Variants in TMED7 observed in about 807,000 individuals in gnomAD.
TMED7 encodes the protein transmembrane p24 trafficking protein 7.
In TMED7, 8 loss-of-function variants were observed where a neutral mutation model predicts 23.4. The observed-to-expected ratio is 0.34, with a 90% CI of 0.20 to 0.62. TMED7 has a LOEUF of 0.62. Ranked by LOEUF, TMED7 falls within the 20% of genes least tolerant of loss-of-function variation. TMED7 has a pLI of 0.77. For missense variants in TMED7, 232 were observed against 279.1 expected (o/e 0.83, Z 1.20); for synonymous variants, 121 against 108.5 (o/e 1.12, Z -0.72).
intron 2 of TMED7, among the ~76,000 whole-genome samples, chr5:115,619,826 C>T (rs1756957588): frequency 6.6e-6 from 1 of 152,132 alleles, no homozygotes; most frequent in South Asian, 2.1e-4. Context: ...CAGTCCTCAT[C>T]ACCTAAGCAA....
chr5:115,620,923 GATCT>G (rs779204590), intron 1 of TMED7, among the ~76,000 whole-genome samples: 7 of 152,204 alleles, frequency 4.6e-5, no homozygotes, highest in Non-Finnish European at 7.4e-5. Context: ...AATTAATGGA[GATCT>G]ATTAGATCAC....
chr5:115,625,758 G>C lies in TMED7; in HGVS notation c.35C>G (p.Ala12Gly). Reference protein sequence around the residue: ...PRPGSAQRWAAVAGRWGCRLL... With the variant: ...PRPGSAQRWAGVAGRWGCRLL... The stretch of plus-strand genomic sequence containing the variant: ...CCTGCACCCCCAACGGCCCGCGACG[G>C]CCGCCCAGCGCTGCGCGGACCCCGG... The change falls in exon 1 of 3, where the codon GCC becomes GGC. Residue 12 changes from alanine to glycine, a missense_variant. Ala to Gly is a moderately conservative substitution (Grantham distance 60). Coordinates refer to ENST00000456936, the MANE Select transcript of TMED7 (RefSeq NM_181836.6). 1 of 1,525,838 alleles carries C rather than the reference G, an allele frequency of 6.6e-7. No individual in the cohort carries two copies. Among genetic ancestry groups the C allele is most frequent in the South Asian group, 1.2e-5 (1 of 81,418 alleles). The allele number at this position is 1,525,838 out of a possible 1,614,324, so 94.5% of individuals were successfully genotyped here.
chr5:115,616,581 T>A, intron 2 of TMED7, 136 bp from the exon 3 acceptor site: 1 of 1,290,098 alleles, frequency 7.8e-7, no homozygotes, highest in East Asian at 2.5e-5. Flanking sequence ...ATTCATACAT[T>A]TATGCCAGTT....
chr5:115,625,208 G>A (rs1037144997), intron 1 of TMED7, among the ~76,000 whole-genome samples: 3 of 152,188 alleles, frequency 2.0e-5, no homozygotes, highest in Non-Finnish European at 4.4e-5. Flanking sequence ...AAACTGAAAA[G>A]CAATGAAGTT....
At chr5:115,617,947 C>A (rs1756851038) in intron 2 of TMED7, among the ~76,000 whole-genome samples, 1 of 152,186 alleles carries the variant, frequency 6.6e-6, no homozygotes, top group Non-Finnish European at 1.5e-5. Context: ...GTGCACTCCA[C>A]CACATCCAGC....
chr5:115,626,028 G>A lies in TMED7; in HGVS notation c.-236C>T. The A allele has an allele frequency of 2.3e-6, 1 of 439,762 alleles. No homozygotes were observed. Among genetic ancestry groups the A allele is most frequent in the Non-Finnish European group, 3.7e-6 (1 of 269,152 alleles). 27.2% of individuals were successfully genotyped at this position (439,762 alleles called of 1,614,324 possible). ...CGGAAAAGGCCTGAGAGGGTCGGAA[G>A]TGGGGATTAGCCTTTCGGGGGGTGA... On this transcript the variant is annotated 5_prime_UTR_variant, in exon 1 of 3. Coordinates refer to ENST00000456936, the MANE Select transcript of TMED7 (RefSeq NM_181836.6).
intron 1 of TMED7, among the ~76,000 whole-genome samples, chr5:115,621,162 C>A (rs556380001): frequency 1.9e-3 from 291 of 152,312 alleles, no homozygotes; most frequent in African/African-American, 6.3e-3. Context: ...TCCAAGCACA[C>A]ACACAGTGAA....
intron 2 of TMED7, chr5:115,616,670 C>T (rs1756769470): frequency 1.6e-6 from 1 of 616,890 alleles, no homozygotes; most frequent in Non-Finnish European, 2.7e-6. Context: ...CAGCTGTTTT[C>T]CCCAACTGAG....
rs1435460575 is a variant in TMED7 at position 115,625,877 on chromosome 5, C to G, written c.-85G>C. On this transcript the variant is annotated 5_prime_UTR_variant, in exon 1 of 3. Coordinates refer to ENST00000456936, the MANE Select transcript of TMED7 (RefSeq NM_181836.6). ...ACTCACCGCGCGCGGCAGGCCTCAG[C>G]GCAGGCCACCCCGCAAAGATACACA... 2.3e-6 allele frequency: 3 copies of G among 1,321,264 alleles called. No individual in the cohort carries two copies. The highest frequency in any genetic ancestry group is 3.1e-5 in the East Asian group (1 of 31,756). 81.8% of individuals were successfully genotyped at this position (1,321,264 alleles called of 1,614,324 possible).
rs569324101 is a variant in TMED7 at position 115,618,059 on chromosome 5, T to G, written c.439-1614A>C. Among the ~76,000 whole-genome samples, 281 of 152,344 alleles carry G rather than the reference T, an allele frequency of 1.8e-3. 1 individual carries two copies. The highest frequency in any genetic ancestry group is 2.9e-3 in the Non-Finnish European group (197 of 68,036). ...CGCCCGCCTCGGCCTCCCAAAGTGC[T>G]GGGATTACAGGCGTAAGCCACCACG... On this transcript the variant is annotated intron_variant, in intron 2 of 2. Coordinates refer to ENST00000456936, the MANE Select transcript of TMED7 (RefSeq NM_181836.6).
intron 1 of TMED7, among the ~76,000 whole-genome samples, chr5:115,622,586 TCTAA>T (rs927843551): frequency 2.0e-5 from 3 of 152,192 alleles, no homozygotes; most frequent in African/African-American, 7.2e-5. Flanking sequence ...ATACCTGGTC[TCTAA>T]CTACTAGATG....
chr5:115,620,985 C>T (rs1426369831), intron 1 of TMED7, among the ~76,000 whole-genome samples: 1 of 152,144 alleles, frequency 6.6e-6, no homozygotes, highest in South Asian at 2.1e-4. Context: ...TTCCATTTGA[C>T]AGACTGAAAA....
Position 115,614,415 on chromosome 5 carries a change from G to C in TMED7, c.*1794C>G, listed in dbSNP as rs1293982385. ...AAGTATCTGAACACAATAGCATAGAGAGGCAACCAGAAAAGGACATTTTAC... is the reference window on the plus strand; with the variant it reads ...AAGTATCTGAACACAATAGCATAGACAGGCAACCAGAAAAGGACATTTTAC... On this transcript the variant is annotated 3_prime_UTR_variant, in exon 3 of 3. Coordinates refer to ENST00000456936, the MANE Select transcript of TMED7 (RefSeq NM_181836.6). 1 of 152,492 alleles carries C rather than the reference G, an allele frequency of 6.6e-6. No homozygotes were observed. The highest frequency in any genetic ancestry group is 1.5e-5 in the Non-Finnish European group (1 of 67,940). The allele number at this position is 152,492 out of a possible 1,614,324, so 9.4% of individuals were successfully genotyped here. A position where few individuals can be genotyped will look rare whatever the true frequency, so the allele number is the denominator to read the frequency against.
intron 1 of TMED7, among the ~76,000 whole-genome samples, chr5:115,622,858 C>A (rs945969209): frequency 2.6e-5 from 4 of 152,188 alleles, no homozygotes; most frequent in African/African-American, 9.7e-5. Flanking sequence ...ACCAGAAATT[C>A]TCTGAACAAG....
At chr5:115,625,454 T>C in intron 1 of TMED7, 147 bp downstream of exon 1, 1 of 930,460 alleles carries the variant, frequency 1.1e-6, no homozygotes, top group South Asian at 3.1e-5. Context: ...TAGAGGAAAG[T>C]CAAATGCTGG....
chr5:115,620,364 CATG>C, intron 2 of TMED7, 68 bp downstream of exon 2: 1 of 1,418,138 alleles, frequency 7.1e-7, no homozygotes, highest in African/African-American at 1.5e-5. Flanking sequence ...TCAGTTAGTG[CATG>C]ATATTAAATT....
At chr5:115,619,561 T>G (rs750628317) in intron 2 of TMED7, among the ~76,000 whole-genome samples, 10 of 152,306 alleles carry the variant, frequency 6.6e-5, no homozygotes, top group East Asian at 1.9e-4. Flanking sequence ...TTTCAGATTT[T>G]TTCTGATTTT....
At chr5:115,625,398 CAT>C (rs1757165280) in intron 1 of TMED7, among the ~76,000 whole-genome samples, 1 of 152,154 alleles carries the variant, frequency 6.6e-6, no homozygotes, top group African/African-American at 2.4e-5. Flanking sequence ...TTCTGGAATT[CAT>C]ATATTTTAAC....
intron 1 of TMED7, among the ~76,000 whole-genome samples, chr5:115,621,328 C>T (rs916349127): frequency 6.6e-6 from 1 of 152,144 alleles, no homozygotes; most frequent in African/African-American, 2.4e-5. Context: ...TTTTGAACTA[C>T]ACTATAAGTT....
Sources: gnomAD v4.1 joint callset for allele counts (sites outside exome capture counted in the v4.1 genomes callset) on GRCh38, gnomAD v4.1.1 for gene constraint, MANE v1.5 for transcripts, NCBI Gene and HGNC (gene_info 2026-07-23, HGNC 2026-07-21) for gene names.